Variants in MAGI2 observed in about 807,000 individuals in gnomAD.
MAGI2 encodes the protein membrane-associated guanylate kinase, WW and PDZ domain-containing protein 2.
Under a neutral mutation model 133.3 loss-of-function variants are expected in MAGI2, and 35 were observed. The ratio of observed to expected loss-of-function variants is 0.26; its 90% CI spans 0.20 to 0.35. MAGI2 has a LOEUF of 0.35. Among genes scored for constraint, MAGI2 ranks in the 10% least tolerant of loss-of-function variants. The probability of loss-of-function intolerance (pLI) is 1.00; values close to 1 mark genes in which losing one functional copy is unlikely to be tolerated. For missense variants in MAGI2, 1,636 were observed against 1,863.4 expected (o/e 0.88, Z 2.25); for synonymous variants, 729 against 710.6 (o/e 1.03, Z -0.41).
chr7:79,080,636 CTT>C (rs1422415708), intron 1 of MAGI2, among the ~76,000 whole-genome samples: 1 of 152,000 alleles, frequency 6.6e-6, no homozygotes, highest in Non-Finnish European at 1.5e-5. Context: ...CTTCAAAGCT[CTT>C]ATATTCTAAT....
At chr7:79,336,948 T>C (rs1473353189) in intron 1 of MAGI2, among the ~76,000 whole-genome samples, 2 of 151,938 alleles carry the variant, frequency 1.3e-5, no homozygotes, top group East Asian at 1.9e-4. Context: ...TAAATAAAAT[T>C]GTATTGTACC....
At chr7:78,493,903 G>C (rs1793852285) in intron 5 of MAGI2, among the ~76,000 whole-genome samples, 1 of 152,126 alleles carries the variant, frequency 6.6e-6, no homozygotes, top group Admixed American at 6.6e-5. Context: ...AGGAGGCATT[G>C]ATAATACCAC....
intron 1 of MAGI2, among the ~76,000 whole-genome samples, chr7:79,268,526 T>C (rs1404003735): frequency 6.6e-6 from 1 of 152,228 alleles, no homozygotes; most frequent in African/African-American, 2.4e-5. Flanking sequence ...TTCAAAACCA[T>C]ATTACTCATA....
chr7:78,812,868 G>A (rs948030480), intron 2 of MAGI2, among the ~76,000 whole-genome samples: 4 of 152,138 alleles, frequency 2.6e-5, no homozygotes, highest in Admixed American at 6.5e-5. Flanking sequence ...TAGAGAAAAT[G>A]TGTAACAGTT....
At chr7:78,760,780 C>A (rs566764997) in intron 2 of MAGI2, among the ~76,000 whole-genome samples, 2 of 152,250 alleles carry the variant, frequency 1.3e-5, no homozygotes, top group African/African-American at 4.8e-5. Context: ...ATTAGCTTGT[C>A]CTCTTGAACT....
At chr7:78,821,331 G>A (rs1790090230) in intron 2 of MAGI2, among the ~76,000 whole-genome samples, 1 of 151,886 alleles carries the variant, frequency 6.6e-6, no homozygotes, top group African/African-American at 2.4e-5. Context: ...TGCTTTCAGG[G>A]GTTGTCTATT....
intron 1 of MAGI2, among the ~76,000 whole-genome samples, chr7:79,292,203 A>G (rs572949754): frequency 1.4e-4 from 22 of 152,322 alleles, no homozygotes; most frequent in African/African-American, 2.4e-4. Flanking sequence ...CGAATTTGCC[A>G]TAAGTGTAGG....
chr7:79,406,564 A>G lies in MAGI2; in HGVS notation c.301+46456T>C, dbSNP rs573871474. Among the ~76,000 whole-genome samples, 24 of 152,204 alleles carry G rather than the reference A, an allele frequency of 1.6e-4. 1 individual carries two copies. The highest frequency in any genetic ancestry group is 5.8e-4 in the African/African-American group (24 of 41,566). On this transcript the variant is annotated intron_variant, in intron 1 of 21. Coordinates refer to ENST00000354212, the MANE Select transcript of MAGI2 (RefSeq NM_012301.4). ...AAAGGTTGGGAGGCTGAACCAGGAA[A>G]CTTTGAGTTTATGTCAATAAACAGG... is the stretch of plus-strand genomic sequence containing the variant.
intron 6 of MAGI2, among the ~76,000 whole-genome samples, chr7:78,386,261 T>C (rs1426483342): frequency 1.3e-5 from 2 of 152,192 alleles, no homozygotes; most frequent in Non-Finnish European, 2.9e-5. Flanking sequence ...ATATTCTCTC[T>C]ATATAATAAT....
intron 10 of MAGI2, among the ~76,000 whole-genome samples, chr7:78,247,632 G>A (rs926532672): frequency 1.3e-5 from 2 of 152,104 alleles, no homozygotes; most frequent in African/African-American, 2.4e-5. Context: ...TCTTGGAGCT[G>A]AAGAATTTCA....
At chr7:78,808,380 C>T (rs1368270280) in intron 2 of MAGI2, among the ~76,000 whole-genome samples, 3 of 152,134 alleles carry the variant, frequency 2.0e-5, no homozygotes, top group African/African-American at 4.8e-5. Flanking sequence ...CCTCAGCCTC[C>T]CAAGTAGCTG....
chr7:78,873,511 T>G (rs553352509), intron 2 of MAGI2, among the ~76,000 whole-genome samples: 38 of 152,124 alleles, frequency 2.5e-4, no homozygotes, highest in Non-Finnish European at 4.6e-4. Flanking sequence ...TGCCTCATGA[T>G]CTGTCACTGT....
chr7:78,181,742 A>G (rs17235266), intron 13 of MAGI2, among the ~76,000 whole-genome samples: 2,741 of 152,336 alleles, frequency 0.018, 39 homozygotes, highest in Non-Finnish European at 0.027. Context: ...AATATTGCAA[A>G]AACGAACTTT....
chr7:78,611,468 A>G (rs1266703254), intron 3 of MAGI2, among the ~76,000 whole-genome samples: 3 of 152,198 alleles, frequency 2.0e-5, no homozygotes. Context: ...GGCCTCTATT[A>G]CATACTCAAA....
intron 2 of MAGI2, among the ~76,000 whole-genome samples, chr7:78,804,293 GA>G (rs1260885905): frequency 6.6e-6 from 1 of 151,986 alleles, no homozygotes; most frequent in Non-Finnish European, 1.5e-5. Flanking sequence ...TTGCAATATA[GA>G]AACACATTAA....
chr7:78,615,952 G>A (rs1807041703), intron 3 of MAGI2: 1 of 152,092 alleles, frequency 6.6e-6, no homozygotes. Context: ...GAAGGGTAAG[G>A]TGAGGTGGAA....
chr7:78,730,629 A>G (rs1821278504), intron 2 of MAGI2, among the ~76,000 whole-genome samples: 1 of 152,152 alleles, frequency 6.6e-6, no homozygotes, highest in South Asian at 2.1e-4. Context: ...TTCAATAATA[A>G]ATGGTCACAT....
intron 1 of MAGI2, among the ~76,000 whole-genome samples, chr7:79,407,112 TCTATGC>T (rs995320963): frequency 1.2e-4 from 19 of 152,266 alleles, no homozygotes; most frequent in African/African-American, 4.6e-4. Flanking sequence ...ATAAAATTTT[TCTATGC>T]GTTTTGTAAA....
chr7:79,424,030 C>T (rs1401031390), intron 1 of MAGI2, among the ~76,000 whole-genome samples: 3 of 152,076 alleles, frequency 2.0e-5, no homozygotes, highest in Non-Finnish European at 4.4e-5. Context: ...ATATGAAACA[C>T]TGCCTTTCCT....
Sources: allele counts gnomAD v4.1 joint callset (sites outside exome capture counted in the v4.1 genomes callset), GRCh38; gene constraint gnomAD v4.1.1; transcripts MANE v1.5; gene names NCBI Gene and HGNC (gene_info 2026-07-23, HGNC 2026-07-21).